Variants in SLC25A21 observed in about 807,000 individuals in gnomAD.
SLC25A21 encodes the protein solute carrier family 25 member 21, also known as mitochondrial 2-oxodicarboxylate carrier.
Under a neutral mutation model 43.8 loss-of-function variants are expected in SLC25A21, and 47 were observed. That is an observed-to-expected ratio of 1.07 (90% CI 0.85 to 1.37). The LOEUF (loss-of-function observed/expected upper bound fraction) is 1.37. Ranked by LOEUF, SLC25A21 falls within the 40% of genes most tolerant of loss-of-function variation. The probability of loss-of-function intolerance (pLI) is 0.00; values close to 1 mark genes in which losing one functional copy is unlikely to be tolerated. For missense variants in SLC25A21, 352 were observed against 350.2 expected (o/e 1.00, Z -0.04); for synonymous variants, 131 against 121.3 (o/e 1.08, Z -0.52).
chr14:36,981,908 C>T (rs1370594877), intron 1 of SLC25A21, among the ~76,000 whole-genome samples: 1 of 152,100 alleles, frequency 6.6e-6, no homozygotes, highest in Non-Finnish European at 1.5e-5. Flanking sequence ...CAATACCTAA[C>T]AGGCGAGTTG....
intron 1 of SLC25A21, among the ~76,000 whole-genome samples, chr14:36,930,587 C>G (rs1892259978): frequency 6.6e-6 from 1 of 152,128 alleles, no homozygotes; most frequent in African/African-American, 2.4e-5. Context: ...GATCATCTAA[C>G]CCCACCCCCA....
At chr14:37,108,134 T>C (rs1426031886) in intron 1 of SLC25A21, among the ~76,000 whole-genome samples, 1 of 152,186 alleles carries the variant, frequency 6.6e-6, no homozygotes, top group Admixed American at 6.5e-5. Flanking sequence ...AAGATGATAT[T>C]ATTGTGGCAG....
chr14:36,693,900 C>T (rs969654971), intron 7 of SLC25A21, among the ~76,000 whole-genome samples: 1 of 152,028 alleles, frequency 6.6e-6, no homozygotes, highest in African/African-American at 2.4e-5. Context: ...CACAAAAGTT[C>T]CACCAAAATT....
chr14:37,122,077 T>C (rs1963219277), intron 1 of SLC25A21, among the ~76,000 whole-genome samples: 1 of 152,192 alleles, frequency 6.6e-6, no homozygotes, highest in African/African-American at 2.4e-5. Flanking sequence ...TATGCTAACA[T>C]ACATTGCTAA....
At chr14:36,928,630 C>A (rs1312138926) in intron 1 of SLC25A21, among the ~76,000 whole-genome samples, 3 of 152,104 alleles carry the variant, frequency 2.0e-5, no homozygotes, top group African/African-American at 2.4e-5. Flanking sequence ...TTCATAACAG[C>A]TTAAATTGTG....
At chr14:36,868,942 C>T (rs1027142296) in intron 2 of SLC25A21, among the ~76,000 whole-genome samples, 26 of 152,174 alleles carry the variant, frequency 1.7e-4, no homozygotes, top group African/African-American at 6.3e-4. Context: ...GGCTCCATCT[C>T]CCACTGGAGA....
intron 1 of SLC25A21, among the ~76,000 whole-genome samples, chr14:36,915,022 T>A (rs1199607201): frequency 1.3e-5 from 2 of 152,040 alleles, no homozygotes; most frequent in Non-Finnish European, 2.9e-5. Context: ...AAAAAAAACT[T>A]ACTATTTTTT....
rs547574988 is a variant in SLC25A21, at chr14:36,776,913, G to A, written c.203+37005C>T. Among the ~76,000 whole-genome samples the A allele has an allele frequency of 5.9e-5, 9 of 152,216 alleles. No individual in the cohort carries two copies. The South Asian group carries it at 1.9e-3, about 32-fold the overall frequency. ...ATGTCTTTCTCTACTGACCTTGTTG[G>A]CTCATGCTTCCTGAGAGGTCTTGAT... On this transcript the variant is annotated intron_variant, in intron 3 of 9. Transcript: ENST00000331299.
intron 1 of SLC25A21, among the ~76,000 whole-genome samples, chr14:37,117,971 T>C (rs1020234633): frequency 2.0e-5 from 3 of 152,164 alleles, no homozygotes; most frequent in African/African-American, 7.2e-5. Flanking sequence ...GATTCTTTTT[T>C]GTATGGATTC....
intron 4 of SLC25A21, among the ~76,000 whole-genome samples, chr14:36,734,032 T>G (rs34098603): frequency 0.028 from 4,116 of 146,748 alleles, 56 homozygotes; most frequent in African/African-American, 0.038. Context: ...AAGTTGGCAT[T>G]CCAAAAAATT....
At chr14:36,905,447 TGTTTTCACAA>T (rs1166927947) in intron 1 of SLC25A21, among the ~76,000 whole-genome samples, 1 of 152,232 alleles carries the variant, frequency 6.6e-6, no homozygotes, top group Non-Finnish European at 1.5e-5. Context: ...TCAATAAACT[TGTTTTCACAA>T]GAAGCTTGCC....
rs142765223 is a variant in SLC25A21 at position 36,700,235 on chromosome 14, C to T, written c.603+11083G>A. 2.3e-4 allele frequency among the ~76,000 whole-genome samples: 35 copies of T among 152,302 alleles called. 1 individual carries two copies. In the South Asian group the frequency reaches 4.4e-3, roughly 19 times the overall value. On this transcript the variant is annotated intron_variant, in intron 7 of 9. Transcript: ENST00000331299. Reference sequence around the variant, plus strand: ...AAATAAAACACATTCTTCCTCCCTTCCTTTCCATCCCCTTCTTCCAACAAA... The same window carrying T: ...AAATAAAACACATTCTTCCTCCCTTTCTTTCCATCCCCTTCTTCCAACAAA...
rs931037861 is a variant in SLC25A21 at position 36,680,080 on chromosome 14, C to A, written c.*578G>T. 6.8e-6 allele frequency: 6 copies of A among 878,614 alleles called. No homozygotes were observed. Among genetic ancestry groups the A allele is most frequent in the African/African-American group, 1.8e-5 (1 of 54,624 alleles). 54.4% of individuals were successfully genotyped at this position (878,614 alleles called of 1,614,324 possible). Reference sequence around the variant, plus strand: ...TATGTGCATAGTTACTAAAAAAAACCAACAGATTTACATTTTAACATAGTA... The same window carrying A: ...TATGTGCATAGTTACTAAAAAAAACAAACAGATTTACATTTTAACATAGTA... On this transcript the variant is annotated 3_prime_UTR_variant, in exon 10 of 10. Coordinates refer to ENST00000331299, the MANE Select transcript of SLC25A21 (RefSeq NM_030631.4).
intron 1 of SLC25A21, among the ~76,000 whole-genome samples, chr14:37,031,880 A>G (rs1218444753): frequency 6.6e-6 from 1 of 152,214 alleles, no homozygotes; most frequent in Non-Finnish European, 1.5e-5. Context: ...TTTGGGAAGT[A>G]ATGGTAAAAC....
intron 7 of SLC25A21, among the ~76,000 whole-genome samples, chr14:36,687,553 T>C (rs17105059): frequency 0.26 from 39,299 of 152,010 alleles, 5,558 homozygotes; most frequent in East Asian, 0.58. Context: ...AAGAATTTGC[T>C]TGGGATGGCC....
rs935932995 is a variant in SLC25A21, at chr14:36,725,540, C to T, written c.438+30G>A. The T allele has an allele frequency of 4.6e-6, 5 of 1,084,348 alleles. No homozygotes were observed. The African/African-American group carries it at 8.2e-5, about 18-fold the overall frequency. 67.2% of individuals were successfully genotyped at this position (1,084,348 alleles called of 1,614,324 possible). On this transcript the variant is annotated intron_variant, in intron 6 of 9. Transcript: ENST00000331299. ...ATAAATAAATAAATTTTTACATGCC[C>T]CTAACAATAGAAAAACATTAAATGG... is the stretch of plus-strand genomic sequence containing the variant.
chr14:36,900,839 C>T (rs145511510), intron 1 of SLC25A21, among the ~76,000 whole-genome samples: 1 of 152,122 alleles, frequency 6.6e-6, no homozygotes, highest in African/African-American at 2.4e-5. Context: ...ACTCTGGGAG[C>T]CATTGCAATA....
chr14:37,104,352 G>T (rs1034291347), intron 1 of SLC25A21, among the ~76,000 whole-genome samples: 3 of 152,118 alleles, frequency 2.0e-5, no homozygotes, highest in Non-Finnish European at 4.4e-5. Flanking sequence ...GGCCTTCTCA[G>T]CCTCTAGAAT....
At chr14:37,003,498 T>C (rs1040541888) in intron 1 of SLC25A21, among the ~76,000 whole-genome samples, 4 of 152,202 alleles carry the variant, frequency 2.6e-5, no homozygotes, top group African/African-American at 9.6e-5. Context: ...ACAGCACTAT[T>C]TGTAATAGTT....
Sources: gnomAD v4.1 joint callset for allele counts (sites outside exome capture counted in the v4.1 genomes callset) on GRCh38, gnomAD v4.1.1 for gene constraint, MANE v1.5 for transcripts, NCBI Gene and HGNC (gene_info 2026-07-23, HGNC 2026-07-21) for gene names.